BICDL1: variants seen among roughly 807,000 people sequenced by gnomAD.
BICDL1 encodes BICD family like cargo adaptor 1.
Under a neutral mutation model 76.8 loss-of-function variants are expected in BICDL1, and 20 were observed. The ratio of observed to expected loss-of-function variants is 0.26; its 90% CI spans 0.18 to 0.38. The LOEUF is 0.38. Among genes scored for constraint, BICDL1 ranks in the 10% least tolerant of loss-of-function variants. The probability of loss-of-function intolerance (pLI) is 1.00; values close to 1 mark genes in which losing one functional copy is unlikely to be tolerated. For synonymous variants in BICDL1, 383 were observed against 337.1 expected (o/e 1.14, Z -1.49); for missense variants, 700 against 798.6 (o/e 0.88, Z 1.49).
chr12:120,061,370 A>T (rs1953100463), intron 2 of BICDL1, among the ~76,000 whole-genome samples: 1 of 152,208 alleles, frequency 6.6e-6, no homozygotes, highest in African/African-American at 2.4e-5. Flanking sequence ...TCTTTTATGT[A>T]AAATATTCAG....
intron 2 of BICDL1, among the ~76,000 whole-genome samples, chr12:120,053,327 ACC>A (rs1952904474): frequency 6.6e-6 from 1 of 152,002 alleles, no homozygotes. Context: ...CAGGTGATCC[ACC>A]CGCCTCGGCC....
chr12:120,019,251 ACT>A (rs1204843251), intron 2 of BICDL1: 1 of 151,098 alleles, frequency 6.6e-6, no homozygotes, highest in Non-Finnish European at 1.5e-5. Context: ...TCATAGTGAG[ACT>A]CTGTCTCTTA....
At chr12:120,089,230 C>G (rs1184043457) in intron 8 of BICDL1, among the ~76,000 whole-genome samples, 2 of 152,316 alleles carry the variant, frequency 1.3e-5, no homozygotes, top group African/African-American at 4.8e-5. Flanking sequence ...TTTTGATCCC[C>G]TCTGGGTTCC....
At chr12:120,089,774 A>G (rs1276491104) in intron 8 of BICDL1, among the ~76,000 whole-genome samples, 177 bp from the exon 9 acceptor site, 1 of 152,228 alleles carries the variant, frequency 6.6e-6, no homozygotes, top group Non-Finnish European at 1.5e-5. Flanking sequence ...ATATGTGAAA[A>G]CATGTTGCAA....
chr12:120,074,390 A>C (rs960064367), intron 6 of BICDL1, 53 bp from the exon 7 acceptor site: 2 of 1,017,694 alleles, frequency 2.0e-6, no homozygotes, highest in Admixed American at 5.7e-5. Flanking sequence ...CCCCTTCCCT[A>C]TCTCTCCTGT....
intron 2 of BICDL1, among the ~76,000 whole-genome samples, chr12:120,010,027 C>T (rs960623987): frequency 3.9e-5 from 6 of 152,164 alleles, no homozygotes; most frequent in Non-Finnish European, 8.8e-5. Flanking sequence ...TTGTAACACT[C>T]CAAAGAACCA....
At chr12:120,022,028 CAAAA>C (rs1196728742) in intron 2 of BICDL1, among the ~76,000 whole-genome samples, 2 of 145,484 alleles carry the variant, frequency 1.4e-5, no homozygotes, top group Admixed American at 1.4e-4. Context: ...ACAAAAAAAA[CAAAA>C]AGACAACCAA....
chr12:120,078,808 A>G (rs1873759918), intron 7 of BICDL1, among the ~76,000 whole-genome samples: 1 of 152,216 alleles, frequency 6.6e-6, no homozygotes. Context: ...CCTAGCATAT[A>G]GTTTTACCTG....
Position 120,093,038 on chromosome 12 carries a change from C to T in BICDL1, c.1743C>T (p.Asp581=). The T allele has an allele frequency of 6.3e-7, 1 of 1,593,196 alleles. No individual in the cohort carries two copies. The highest frequency in any genetic ancestry group is 1.3e-5 in the African/African-American group (1 of 74,432). The change falls in exon 10 of 10, where the codon GAC becomes GAT. Residue 581 remains aspartate, a synonymous_variant. Transcript: ENST00000548673. The stretch of plus-strand genomic sequence containing the variant: ...GGGTCATTGACCGGCAGCTGATGGA[C>T]ACGCACCTGAAAGAACGGAGCCAGC... The part of the protein sequence containing the change: ...MHRVIDRQLM[D]THLKERSQPA...
chr12:119,992,959 C>G (rs997580795), intron 1 of BICDL1: 5 of 151,694 alleles, frequency 3.3e-5, no homozygotes, highest in African/African-American at 1.2e-4. Context: ...TTCCACCCCC[C>G]CACCCTGCCC....
At chr12:120,023,471 C>T (rs1220807244) in intron 2 of BICDL1, among the ~76,000 whole-genome samples, 1 of 152,136 alleles carries the variant, frequency 6.6e-6, no homozygotes, top group Non-Finnish European at 1.5e-5. Context: ...GTAAAATTCA[C>T]AATGTCTGAC....
intron 2 of BICDL1, among the ~76,000 whole-genome samples, chr12:120,003,607 T>G (rs1295740450): frequency 6.6e-6 from 1 of 152,260 alleles, no homozygotes; most frequent in African/African-American, 2.4e-5. Flanking sequence ...GTGACTCACT[T>G]GCCTAGACAC....
At position 119,989,380 on chromosome 12, in the gene BICDL1, C is replaced by T. The variant is rs1172749224; in HGVS notation, c.-489C>T. Among the ~76,000 whole-genome samples, 2 of 150,910 alleles carry T rather than the reference C, an allele frequency of 1.3e-5. No homozygotes were observed. Among genetic ancestry groups the T allele is most frequent in the African/African-American group, 4.8e-5 (2 of 41,304 alleles). ...GGAGTGCGGCTGCAGAGAGCGGCCG[C>T]CGGCAACAGCAGCAGCAGCAGGAAG... is the stretch of plus-strand genomic sequence containing the variant. On this transcript the variant is annotated 5_prime_UTR_variant, in exon 1 of 10. Transcript: ENST00000548673.
intron 8 of BICDL1, among the ~76,000 whole-genome samples, chr12:120,083,289 C>A (rs755374214): frequency 2.0e-5 from 3 of 152,146 alleles, no homozygotes; most frequent in Admixed American, 6.5e-5. Context: ...CAGGGTCTTA[C>A]TCTGCCACCC....
Position 120,093,209 on chromosome 12 carries a change from G to C in BICDL1, c.*48G>C. 1 of 1,550,546 alleles carries C rather than the reference G, an allele frequency of 6.4e-7. No individual in the cohort carries two copies. Among genetic ancestry groups the C allele is most frequent in the Non-Finnish European group, 8.7e-7 (1 of 1,146,264 alleles). ...AAGATGGGTGGACTGGAGGCAGCTG[G>C]AAAGGCGGTGCAGGCAAGGCCTCCC... On this transcript the variant is annotated 3_prime_UTR_variant, in exon 10 of 10. Transcript: ENST00000548673.
At chr12:120,076,479 C>CG (rs1485706839) in intron 7 of BICDL1, among the ~76,000 whole-genome samples, 2 of 152,002 alleles carry the variant, frequency 1.3e-5, no homozygotes, top group Non-Finnish European at 2.9e-5. Flanking sequence ...ACAGTGGATG[C>CG]GGGGGGCATT....
intron 2 of BICDL1, among the ~76,000 whole-genome samples, chr12:120,060,564 G>C (rs967808405): frequency 6.6e-6 from 1 of 152,156 alleles, no homozygotes; most frequent in Non-Finnish European, 1.5e-5. Flanking sequence ...AAATTTAAAG[G>C]TTAGAGGGTA....
chr12:120,089,914 A>G (rs1204456865), intron 8 of BICDL1, 37 bp from the exon 9 acceptor site: 15 of 1,610,000 alleles, frequency 9.3e-6, no homozygotes, highest in Middle Eastern at 3.3e-4. Context: ...CCTCTGGCAC[A>G]AGGTGTCCAT....
At chr12:120,037,223 G>T (rs1457128163) in intron 2 of BICDL1, among the ~76,000 whole-genome samples, 1 of 152,102 alleles carries the variant, frequency 6.6e-6, no homozygotes, top group Non-Finnish European at 1.5e-5. Context: ...TATTGCCTTT[G>T]TTGTATTTGT....
Sources: allele counts gnomAD v4.1 joint callset (sites outside exome capture counted in the v4.1 genomes callset), GRCh38; gene constraint gnomAD v4.1.1; transcripts MANE v1.5; gene names NCBI Gene and HGNC (gene_info 2026-07-23, HGNC 2026-07-21).